TPD52: variants seen among roughly 807,000 people sequenced by gnomAD.
The protein encoded by TPD52 is prostate and colon associated protein.
In TPD52, 17 loss-of-function variants were observed where a neutral mutation model predicts 31.3. The observed-to-expected ratio is 0.54, with a 90% CI of 0.37 to 0.82. The LOEUF is 0.82. Ranked by LOEUF, TPD52 falls within the 40% of genes least tolerant of loss-of-function variation. The pLI is 0.00. For synonymous variants in TPD52, 83 were observed against 89.6 expected, an observed-to-expected ratio of 0.93 and a Z score of 0.42; for missense variants, 212 against 240.1, an observed-to-expected ratio of 0.88 and a Z score of 0.77.
At chr8:80,136,179 T>TAAAAAAAAAAAACA (rs796723826) in intron 1 of TPD52, among the ~76,000 whole-genome samples, 1 of 121,492 alleles carries the variant, frequency 8.2e-6, no homozygotes, top group Non-Finnish European at 1.7e-5. Flanking sequence ...GTCTTTGAGG[T>TAAAAAAAAAAAACA]TAAAAAAAAA....
intron 1 of TPD52, among the ~76,000 whole-genome samples, chr8:80,145,531 G>A (rs1251728904): frequency 3.3e-5 from 5 of 152,194 alleles, no homozygotes; most frequent in African/African-American, 7.2e-5. Flanking sequence ...CAGGTGCTCC[G>A]GGAATGGGAA....
chr8:80,099,455 G>C (rs996325970), intron 1 of TPD52, among the ~76,000 whole-genome samples: 2 of 151,322 alleles, frequency 1.3e-5, no homozygotes, highest in African/African-American at 4.8e-5. Flanking sequence ...CATCTGCAAA[G>C]AACCTTCCAC....
At chr8:80,107,309 C>A (rs1448543727) in intron 1 of TPD52, among the ~76,000 whole-genome samples, 1 of 152,106 alleles carries the variant, frequency 6.6e-6, no homozygotes, top group Non-Finnish European at 1.5e-5. Flanking sequence ...TCAGCTAATC[C>A]TAGCTGTCCT....
intron 1 of TPD52, among the ~76,000 whole-genome samples, chr8:80,138,092 C>T (rs1229857303): frequency 1.3e-5 from 2 of 152,022 alleles, no homozygotes; most frequent in African/African-American, 4.8e-5. Context: ...TACAGACATG[C>T]GCCACCACGC....
intron 1 of TPD52, among the ~76,000 whole-genome samples, chr8:80,139,182 G>A (rs1809642885): frequency 6.6e-6 from 1 of 152,228 alleles, no homozygotes; most frequent in African/African-American, 2.4e-5. Flanking sequence ...GACACTGGCA[G>A]GGAGGGGAGA....
intron 4 of TPD52, among the ~76,000 whole-genome samples, chr8:80,050,778 T>C (rs931889794): frequency 4.6e-5 from 7 of 152,130 alleles, no homozygotes; most frequent in Non-Finnish European, 8.8e-5. Flanking sequence ...GAAATTCTGG[T>C]TGTAAGATAT....
At chr8:80,055,688 A>G (rs1335441045) in intron 2 of TPD52, among the ~76,000 whole-genome samples, 1 of 152,224 alleles carries the variant, frequency 6.6e-6, no homozygotes, top group African/African-American at 2.4e-5. Flanking sequence ...CAATTCAACA[A>G]CAAAACAAAC....
intron 1 of TPD52, among the ~76,000 whole-genome samples, chr8:80,143,548 T>C (rs1373537799): frequency 1.3e-5 from 2 of 152,224 alleles, no homozygotes; most frequent in African/African-American, 2.4e-5. Flanking sequence ...TAGCTTACTG[T>C]AGCTAACTCA....
At chr8:80,081,148 T>TTC (rs1195254617) in intron 1 of TPD52, among the ~76,000 whole-genome samples, 2 of 142,046 alleles carry the variant, frequency 1.4e-5, no homozygotes, top group African/African-American at 6.0e-5. Flanking sequence ...GACTTTTCTT[T>TTC]TCTCTCTCTT....
At chr8:80,098,223 C>T (rs1806476116) in intron 1 of TPD52, among the ~76,000 whole-genome samples, 1 of 152,200 alleles carries the variant, frequency 6.6e-6, no homozygotes, top group Non-Finnish European at 1.5e-5. Context: ...ATACAACATA[C>T]ATTCTGCATA....
intron 1 of TPD52, among the ~76,000 whole-genome samples, chr8:80,087,768 G>A (rs1815929319): frequency 6.6e-6 from 1 of 152,190 alleles, no homozygotes; most frequent in African/African-American, 2.4e-5. Context: ...TCTTCCCAGA[G>A]GGAGACCAGT....
chr8:80,046,374 C>T (rs925536797), intron 5 of TPD52, among the ~76,000 whole-genome samples: 4 of 152,146 alleles, frequency 2.6e-5, no homozygotes, highest in African/African-American at 9.7e-5. Flanking sequence ...AGCTTCAATT[C>T]TATCTGGTTG....
At chr8:80,133,045 G>C (rs1328568995) in intron 1 of TPD52, among the ~76,000 whole-genome samples, 1 of 152,174 alleles carries the variant, frequency 6.6e-6, no homozygotes, top group Non-Finnish European at 1.5e-5. Flanking sequence ...GATGAAAACT[G>C]AGTGTAGAGT....
chr8:80,168,464 A>C (rs914053917), intron 1 of TPD52, among the ~76,000 whole-genome samples: 14 of 152,220 alleles, frequency 9.2e-5, no homozygotes, highest in Non-Finnish European at 1.0e-4. Context: ...AAAACTATTA[A>C]AAGTTCAACA....
rs1056436693 is a variant in TPD52, at chr8:80,102,339, C to T, written c.20-37746G>A. 2.0e-5 allele frequency among the ~76,000 whole-genome samples: 3 copies of T among 152,202 alleles called. No homozygotes were observed. The East Asian group carries it at 5.8e-4, about 29-fold the overall frequency. Reference sequence around the variant, plus strand: ...TCTCGATGTTGACCTCTTTATGGACCTGATCACTACATGTCAGCTGGTTTT... The same window carrying T: ...TCTCGATGTTGACCTCTTTATGGACTTGATCACTACATGTCAGCTGGTTTT... On this transcript the variant is annotated intron_variant, in intron 1 of 7. Transcript: ENST00000518937.
chr8:80,145,111 T>C (rs1810103384), intron 1 of TPD52, among the ~76,000 whole-genome samples: 1 of 152,184 alleles, frequency 6.6e-6, no homozygotes, highest in Non-Finnish European at 1.5e-5. Context: ...TAAAAACTGG[T>C]GCAAATTTTG....
rs10957955 is a variant in TPD52 at position 80,060,853 on chromosome 8, A to G, written c.135+3625T>C. Reference sequence around the variant, plus strand: ...GCATTTGTGAAAAAAATGACAGCTAATATCATACTTATGGTTAAAGACTGA... The same window carrying G: ...GCATTTGTGAAAAAAATGACAGCTAGTATCATACTTATGGTTAAAGACTGA... On this transcript the variant is annotated intron_variant, in intron 2 of 7. Coordinates refer to ENST00000518937, the MANE Select transcript of TPD52 (RefSeq NM_001025253.3). Among the ~76,000 whole-genome samples the G allele has an allele frequency of 2.4e-3, 360 of 152,350 alleles. 5 individuals are homozygous for G. Among genetic ancestry groups the G allele is most frequent in the African/African-American group, 8.1e-3 (338 of 41,582 alleles).
chr8:80,121,191 C>T (rs1431109325), intron 1 of TPD52, among the ~76,000 whole-genome samples: 1 of 151,978 alleles, frequency 6.6e-6, no homozygotes, highest in Non-Finnish European at 1.5e-5. Context: ...AGATCATTAT[C>T]AAGACGTCAA....
At chr8:80,132,938 T>G (rs142569225) in intron 1 of TPD52, among the ~76,000 whole-genome samples, 1 of 152,104 alleles carries the variant, frequency 6.6e-6, no homozygotes, top group East Asian at 1.9e-4. Context: ...TACTAAGGGG[T>G]CCCCATGCCA....
Sources: allele counts gnomAD v4.1 joint callset (sites outside exome capture counted in the v4.1 genomes callset), GRCh38; gene constraint gnomAD v4.1.1; transcripts MANE v1.5; gene names NCBI Gene and HGNC (gene_info 2026-07-23, HGNC 2026-07-21).